Variants in HSPG2 observed in about 807,000 individuals in gnomAD.
HSPG2 encodes heparan sulfate proteoglycan 2, also known as basement membrane-specific heparan sulfate proteoglycan core protein.
In HSPG2, 278 loss-of-function variants were observed where a neutral mutation model predicts 526.6. The ratio of observed to expected loss-of-function variants is 0.53; its 90% confidence interval spans 0.48 to 0.58. HSPG2 has a LOEUF of 0.58. Ranked by LOEUF, HSPG2 falls within the 20% of genes least tolerant of loss-of-function variation. The probability of loss-of-function intolerance (pLI) is 0.00; values close to 1 mark genes in which losing one functional copy is unlikely to be tolerated. For missense variants in HSPG2, 5,354 were observed against 6,099.5 expected, an observed-to-expected ratio of 0.88 and a Z score of 4.07; for synonymous variants, 2,465 against 2,555.4, an observed-to-expected ratio of 0.96 and a Z score of 1.07.
chr1:21,824,676 C>T lies in HSPG2; in HGVS notation c.12665+28G>A, dbSNP rs761947506. On this transcript the variant is annotated intron_variant, in intron 92 of 96. Coordinates refer to ENST00000374695, the MANE Select transcript of HSPG2 (RefSeq NM_005529.7). This position sits in a 1 kb window ranked among gnomAD's most constrained non-coding sequence, Gnocchi z 5.9. ...CAGATTCCCATCCTCCCCATTAGGCCCATGGGCCCTTCCAATGCCAGTCTC... is the reference window on the plus strand; with the variant it reads ...CAGATTCCCATCCTCCCCATTAGGCTCATGGGCCCTTCCAATGCCAGTCTC... The T allele has an allele frequency of 6.2e-7, 1 of 1,613,118 alleles. No homozygotes were observed. Among genetic ancestry groups the T allele is most frequent in the Admixed American group, 1.7e-5 (1 of 59,920 alleles).
At position 21,831,278 on chromosome 1, in the gene HSPG2, A is replaced by C. The variant is rs1297101101; in HGVS notation, c.11499T>G (p.His3833Gln). The C allele has an allele frequency of 3.1e-6, 5 of 1,613,932 alleles. No individual in the cohort carries two copies. Among genetic ancestry groups the C allele is most frequent in the Non-Finnish European group, 8.5e-7 (1 of 1,179,994 alleles). ...TGCCGTGCGCCGTGAGGTTGAGGTC[A>C]TGGAAGACGATCTCCTCGCCCTGGA... ...LRIQGEEIVF[H>Q]DLNLTAHGIS... Residue 3833 changes from histidine to glutamine, a missense_variant, in exon 84 of 97, where the codon CAT becomes CAG. By Grantham distance (24) the His-to-Gln change is conservative. Coordinates refer to ENST00000374695, the MANE Select transcript of HSPG2 (RefSeq NM_005529.7).
intron 44 of HSPG2, 52 bp from the exon 45 acceptor site, chr1:21,855,964 C>T (rs760057167): frequency 8.3e-5 from 132 of 1,596,744 alleles, no homozygotes; most frequent in Non-Finnish European, 2.1e-5. Context: ...TGTCGTCTGA[C>T]TCACACAACA....
intron 6 of HSPG2, chr1:21,888,747 T>C (rs761864199): frequency 7.4e-7 from 1 of 1,355,848 alleles, no homozygotes; most frequent in East Asian, 4.6e-5. Context: ...TCAGTGGCTG[T>C]TCCACCTGGG....
At position 21,873,028 on chromosome 1, in the gene HSPG2, T is replaced by G; in HGVS notation, c.3857A>C (p.Gln1286Pro). ...CTGGCACTGACCAGCAGCATCACAC[T>G]GGCTGCTGACGCTGCCTTGGGGGTC... ...NCDPQGSVSS[Q>P]CDAAGQCQCK... The change falls in exon 31 of 97, where the codon CAG (glutamine) becomes CCG (proline). Residue 1286 changes from glutamine (Q) to proline (P), a missense_variant. By Grantham distance (76) the Gln-to-Pro change is moderately conservative (BLOSUM62 -1). Coordinates refer to ENST00000374695, the MANE Select transcript of HSPG2 (RefSeq NM_005529.7). 2 of 1,608,470 alleles carry G rather than the reference T, an allele frequency of 1.2e-6. No homozygotes were observed. Among genetic ancestry groups the G allele is most frequent in the Non-Finnish European group, 1.7e-6 (2 of 1,179,886 alleles).
At chr1:21,933,615 C>G (rs1644404580) in intron 1 of HSPG2, among the ~76,000 whole-genome samples, 1 of 152,252 alleles carries the variant, frequency 6.6e-6, no homozygotes, top group Non-Finnish European at 1.5e-5. Context: ...TGTCTGCGCT[C>G]AGCCTGAGAG....
chr1:21,918,156 T>C (rs915334955), intron 1 of HSPG2, among the ~76,000 whole-genome samples: 2 of 152,110 alleles, frequency 1.3e-5, no homozygotes, highest in Admixed American at 6.6e-5. Context: ...TGAACTTCAA[T>C]GTGTACCTCT....
rs1194026050 is a variant in HSPG2 at position 21,829,027 on chromosome 1, A to T, written c.12045T>A (p.Arg4015=). 1 of 1,552,852 alleles carries T rather than the reference A, an allele frequency of 6.4e-7. No homozygotes were observed. The highest frequency in any genetic ancestry group is 1.4e-5 in the African/African-American group (1 of 73,032). ...AEPLALGRWH[R]VSAERLNKDG... ...CCTTGTTGAGACGCTCTGCAGACAC[A>T]CGGTGCCAGCGGCCCAGGGCCAGCG... Residue 4015 remains arginine (R), a synonymous_variant, in exon 88 of 97, where the codon CGT becomes CGA. Transcript: ENST00000374695.
In HSPG2 at chr1:21,887,880, T is replaced by A; in HGVS notation, c.703+58A>T. ...CTTGATGGGCTCCAAGACCCAGGTG[T>A]AGGACCCTGGCCCTCCCCTGGCACC... On this transcript the variant is annotated intron_variant, in intron 7 of 96. Transcript: ENST00000374695. This position sits in a 1 kb window ranked among gnomAD's most constrained non-coding sequence, Gnocchi z 5.0. The A allele has an allele frequency of 6.2e-7, 1 of 1,611,026 alleles. No homozygotes were observed. Among genetic ancestry groups the A allele is most frequent in the Non-Finnish European group, 8.5e-7 (1 of 1,178,042 alleles).
Position 21,824,384 on chromosome 1 carries a change from G to A in HSPG2, c.12745-8C>T, listed in dbSNP as rs1274512770. 1 of 1,613,748 alleles carries A rather than the reference G, an allele frequency of 6.2e-7. No individual in the cohort carries two copies. The highest frequency in any genetic ancestry group is 1.1e-5 in the South Asian group (1 of 91,082). Reference sequence around the variant, plus strand: ...GCCGGCCTCTCCCACCTCCTGCCAGGGAAGCACAGGGTCTCTGGGGTCCCC... The same window carrying A: ...GCCGGCCTCTCCCACCTCCTGCCAGAGAAGCACAGGGTCTCTGGGGTCCCC... On this transcript the variant is annotated splice_polypyrimidine_tract_variant and splice_region_variant and intron_variant, in intron 93 of 96. Coordinates refer to ENST00000374695, the MANE Select transcript of HSPG2 (RefSeq NM_005529.7). The surrounding 1 kb of genome is among the most constrained non-coding windows in gnomAD (Gnocchi z 5.9).
At chr1:21,849,841 G>A (rs761424346) in intron 57 of HSPG2, among the ~76,000 whole-genome samples, 200 bp downstream of exon 57, 3 of 152,136 alleles carry the variant, frequency 2.0e-5, no homozygotes, top group Non-Finnish European at 4.4e-5. Flanking sequence ...CACCACGCCC[G>A]GCTAATTTGT....
chr1:21,857,303 G>A lies in HSPG2; in HGVS notation c.5376C>T (p.Ile1792=), dbSNP rs1353673794. ...TGCACACCTTGCTTTTGGCTGTGCA[G>A]ATGAAGGTGACGTCAGCTCCGGGGC... is the stretch of plus-strand genomic sequence containing the variant. ...SVRPGADVTF[I]CTAKSKSPAY... The change falls in exon 43 of 97, where the codon ATC becomes ATT. Residue 1792 remains isoleucine, a synonymous_variant. Coordinates refer to ENST00000374695, the MANE Select transcript of HSPG2 (RefSeq NM_005529.7). The A allele has an allele frequency of 6.2e-7, 1 of 1,614,128 alleles. No homozygotes were observed. Among genetic ancestry groups the A allele is most frequent in the Non-Finnish European group, 8.5e-7 (1 of 1,180,024 alleles).
chr1:21,850,327 G>T, intron 56 of HSPG2, 36 bp downstream of exon 56: 1 of 1,602,854 alleles, frequency 6.2e-7, no homozygotes, highest in Non-Finnish European at 8.5e-7. Context: ...CTCCCACCCT[G>T]GGTCCCCAGC....
chr1:21,880,807 T>C lies in HSPG2; in HGVS notation c.1847A>G (p.Tyr616Cys). ...ACGGGCCAACTCGTAGCGCACGTTG[T>C]AACGCAGGGAGCCGCCATAGGAGTC... ...KVDSYGGSLR[Y>C]NVRYELARGM... The change falls in exon 15 of 97, where the codon TAC becomes TGC. Residue 616 changes from tyrosine (Y) to cysteine (C), a missense_variant. By Grantham distance (194) the Tyr-to-Cys change is radical. Coordinates refer to ENST00000374695, the MANE Select transcript of HSPG2 (RefSeq NM_005529.7). 6.3e-7 allele frequency: 1 copy of C among 1,595,088 alleles called. No homozygotes were observed. The highest frequency in any genetic ancestry group is 8.5e-7 in the Non-Finnish European group (1 of 1,171,930).
intron 1 of HSPG2, among the ~76,000 whole-genome samples, chr1:21,906,995 C>T (rs377436171): frequency 5.3e-5 from 8 of 151,874 alleles, no homozygotes; most frequent in South Asian, 4.1e-4. Flanking sequence ...GGCTGGCGGC[C>T]GGCTAGCTGG....
intron 33 of HSPG2, among the ~76,000 whole-genome samples, chr1:21,866,466 C>G (rs889424546): frequency 6.6e-6 from 1 of 152,206 alleles, no homozygotes; most frequent in East Asian, 1.9e-4. Context: ...CACTTATGCT[C>G]TTTCTACCAG....
chr1:21,864,718 T>G lies in HSPG2; in HGVS notation c.4626+125A>C. On this transcript the variant is annotated intron_variant, in intron 36 of 96. Transcript: ENST00000374695. This position sits in a 1 kb window ranked among gnomAD's most constrained non-coding sequence, Gnocchi z 4.8. ...ACTCAGGGCTGTCGGGAGGAATACA[T>G]GCAGGGCCCAGATGCAGGGGTCATT... 1.2e-6 allele frequency: 1 copy of G among 803,460 alleles called. No individual in the cohort carries two copies. The allele number at this position is 803,460 out of a possible 1,614,324, so 49.8% of individuals were successfully genotyped here.
chr1:21,863,444 C>T (rs1639985725), intron 37 of HSPG2, among the ~76,000 whole-genome samples: 1 of 152,116 alleles, frequency 6.6e-6, no homozygotes, highest in East Asian at 1.9e-4. Context: ...ACAGATTCTC[C>T]TCCAAAGAGA....
Position 21,824,889 on chromosome 1 carries a change from G to A in HSPG2, c.12590-110C>T, listed in dbSNP as rs1201241350. The A allele has an allele frequency of 2.7e-5, 27 of 1,009,770 alleles. No homozygotes were observed. Among genetic ancestry groups the A allele is most frequent in the South Asian group, 4.1e-5 (3 of 72,594 alleles). 62.6% of individuals were successfully genotyped at this position (1,009,770 alleles called of 1,614,324 possible). On this transcript the variant is annotated intron_variant, in intron 91 of 96. Transcript: ENST00000374695. This position sits in a 1 kb window ranked among gnomAD's most constrained non-coding sequence, Gnocchi z 5.9. The stretch of plus-strand genomic sequence containing the variant: ...CCAACATGCAGGACTAGGGGGCTCC[G>A]AGCCTGCAGTCCCTGGGGACCCACG...
intron 50 of HSPG2, chr1:21,853,984 A>G: frequency 1.9e-6 from 1 of 529,978 alleles, no homozygotes; most frequent in African/African-American, 1.9e-5. Context: ...ACAAATTCTG[A>G]AACAGTCACT....
Sources: gnomAD v4.1 joint callset for allele counts (sites outside exome capture counted in the v4.1 genomes callset) on GRCh38, gnomAD v4.1.1 for gene constraint, Gnocchi (gnomAD v3.1) non-coding constraint, MANE v1.5 for transcripts, NCBI Gene and HGNC (gene_info 2026-07-23, HGNC 2026-07-21) for gene names.